CTU2: variants seen among roughly 807,000 people sequenced by gnomAD.
CTU2 encodes cytoplasmic tRNA 2-thiolation protein 2.
In CTU2, 80 loss-of-function variants were observed where a neutral mutation model predicts 64.1. The observed-to-expected ratio is 1.25, with a 90% CI of 1.04 to 1.50. The LOEUF (loss-of-function observed/expected upper bound fraction) is 1.50. CTU2 is among the 40% of genes most tolerant of loss of function. The probability of loss-of-function intolerance (pLI) is 0.00; values close to 1 mark genes in which losing one functional copy is unlikely to be tolerated. For synonymous variants in CTU2, 482 were observed against 285.3 expected (o/e 1.69, Z -6.95); for missense variants, 1,110 against 690.2 (o/e 1.61, Z -6.81).
At chr16:88,714,560 G>A in intron 11 of CTU2, 27 bp from the exon 12 acceptor site, 1 of 1,612,638 alleles carries the variant, frequency 6.2e-7, no homozygotes, top group Non-Finnish European at 8.5e-7. Flanking sequence ...GCAGCCCCAG[G>A]CTCCGTCACC....
chr16:88,707,253 G>A lies in CTU2; in HGVS notation c.143+43G>A, dbSNP rs549881249. On this transcript the variant is annotated intron_variant, in intron 2 of 14. Coordinates refer to ENST00000453996, the MANE Select transcript of CTU2 (RefSeq NM_001012759.3). Reference sequence around the variant, plus strand: ...CTGAGACCCTGGCAAACATGGCCTCGCTAGCAGACAGGATAGCCGCAACTT... The same window carrying A: ...CTGAGACCCTGGCAAACATGGCCTCACTAGCAGACAGGATAGCCGCAACTT... 3.8e-6 allele frequency: 6 copies of A among 1,568,246 alleles called. No individual in the cohort carries two copies. The African/African-American group carries it at 6.7e-5, about 18-fold the overall frequency.
chr16:88,713,577 A>T (rs1260992312), intron 8 of CTU2, 70 bp from the exon 9 acceptor site: 6 of 1,574,034 alleles, frequency 3.8e-6, no homozygotes, highest in Non-Finnish European at 4.3e-6. Context: ...GACCTCCCCT[A>T]CCTGGCAGGG....
Position 88,710,001 on chromosome 16 carries a change from C to G in CTU2, c.207C>G (p.Ile69Met). 3.7e-6 allele frequency: 6 copies of G among 1,613,920 alleles called. No individual in the cohort carries two copies. The highest frequency in any genetic ancestry group is 5.1e-6 in the Non-Finnish European group (6 of 1,180,002). ...CCATGCTGGGCAAGAACCGGCTCAT[C>G]TTTCCAGGCGAGAAGGTAGCGTCTG... ...FRAMLGKNRL[I>M]FPGEKVLLAW... The change falls in exon 3 of 15, where the codon ATC (isoleucine) becomes ATG (methionine). Residue 69 changes from isoleucine to methionine, a missense_variant. Coordinates refer to ENST00000453996, the MANE Select transcript of CTU2 (RefSeq NM_001012759.3).
intron 3 of CTU2, 23 bp from the exon 4 acceptor site, chr16:88,710,200 G>C: frequency 6.2e-7 from 1 of 1,613,922 alleles, no homozygotes; most frequent in Non-Finnish European, 8.5e-7. Context: ...GCGGTGCCCT[G>C]AGTGATGTTT....
Position 88,712,764 on chromosome 16 carries a change from G to A in CTU2, c.596G>A (p.Gly199Glu), listed in dbSNP as rs1299750644. 6.2e-7 allele frequency: 1 copy of A among 1,608,512 alleles called. No homozygotes were observed. The highest frequency in any genetic ancestry group is 1.1e-5 in the South Asian group (1 of 90,780). Reference protein sequence around the residue: ...GAGGGPGPTQGEEQPPQPPLD... With the variant: ...GAGGGPGPTQEEEQPPQPPLD... ...GGGGGTGGTCCTGGCCCGACTCAAG[G>A]GGAGGAACAGCCACCCCAGCCCCCG... is the stretch of plus-strand genomic sequence containing the variant. Residue 199 changes from glycine to glutamate, a missense_variant, in exon 7 of 15, where the codon GGG becomes GAG. Transcript: ENST00000453996.
At position 88,709,982 on chromosome 16, in the gene CTU2, T is replaced by C. The variant is rs147948789; in HGVS notation, c.188T>C (p.Leu63Pro). 1.1e-3 allele frequency: 1,696 copies of C among 1,613,952 alleles called. No individual in the cohort carries two copies. The highest frequency in any genetic ancestry group is 1.3e-3 in the Non-Finnish European group (1,587 of 1,180,008). The change falls in exon 3 of 15, where the codon CTG (leucine) becomes CCG (proline). Residue 63 changes from leucine to proline, a missense_variant. Physicochemically the swap from Leu to Pro is moderately conservative, Grantham distance 98. Coordinates refer to ENST00000453996, the MANE Select transcript of CTU2 (RefSeq NM_001012759.3). Reference protein sequence around the residue: ...AFYVHKFRAMLGKNRLIFPGE... With the variant: ...AFYVHKFRAMPGKNRLIFPGE... ...TACGTCCACAAGTTCAGAGCCATGC[T>C]GGGCAAGAACCGGCTCATCTTTCCA...
At chr16:88,714,514 G>A in intron 11 of CTU2, 28 bp downstream of exon 11, 3 of 1,612,400 alleles carry the variant, frequency 1.9e-6, no homozygotes, top group East Asian at 2.2e-5. Context: ...TTGGGGTGAT[G>A]CGGGGAGGGA....
Position 88,710,241 on chromosome 16 carries a change from G to C in CTU2, c.241G>C (p.Gly81Arg), listed in dbSNP as rs1245971903. The stretch of plus-strand genomic sequence containing the variant: ...CCCCCAGGTGCTCTTGGCGTGGTCT[G>C]GGGGGCCTTCGTCCAGCTCCATGGT... Reference protein sequence around the residue: ...PGEKVLLAWSGGPSSSSMVWQ... With the variant: ...PGEKVLLAWSRGPSSSSMVWQ... Residue 81 changes from glycine to arginine, a missense_variant, in exon 4 of 15, where the codon GGG becomes CGG. Coordinates refer to ENST00000453996, the MANE Select transcript of CTU2 (RefSeq NM_001012759.3). 1.9e-6 allele frequency: 3 copies of C among 1,613,912 alleles called. No homozygotes were observed. The highest frequency in any genetic ancestry group is 2.5e-6 in the Non-Finnish European group (3 of 1,179,984).
Position 88,715,036 on chromosome 16 carries a change from C to A in CTU2, c.1420-12C>A. 1 of 1,577,390 alleles carries A rather than the reference C, an allele frequency of 6.3e-7. No individual in the cohort carries two copies. ...AGGTTTCTTGGCCCCTCGACACCGGCCTCTGTTGCAGCCCTCACTGGACCC... is the reference window on the plus strand; with the variant it reads ...AGGTTTCTTGGCCCCTCGACACCGGACTCTGTTGCAGCCCTCACTGGACCC... On this transcript the variant is annotated splice_polypyrimidine_tract_variant and intron_variant, in intron 13 of 14. Transcript: ENST00000453996.
At chr16:88,713,866 C>T in intron 9 of CTU2, 88 bp downstream of exon 9, 3 of 1,535,862 alleles carry the variant, frequency 2.0e-6, no homozygotes, top group South Asian at 1.2e-5. Context: ...GCTCAGGTCA[C>T]CAGCACACCT....
chr16:88,713,335 C>G lies in CTU2; in HGVS notation c.761C>G (p.Ala254Gly), dbSNP rs758819563. 3.1e-6 allele frequency: 5 copies of G among 1,600,814 alleles called. No individual in the cohort carries two copies. Among genetic ancestry groups the G allele is most frequent in the Non-Finnish European group, 4.3e-6 (5 of 1,174,944 alleles). Residue 254 changes from alanine (A) to glycine (G), a missense_variant, in exon 8 of 15, where the codon GCC (alanine) becomes GGC (glycine). By Grantham distance (60) the Ala-to-Gly change is moderately conservative. Transcript: ENST00000453996. ...TLRTHLILHM[A>G]RAHGYSKVMT... The stretch of plus-strand genomic sequence containing the variant: ...AGGACCCACCTGATCCTCCACATGG[C>G]CCGAGCCCACGGCTACTCCAAGGTC...
intron 1 of CTU2, 112 bp from the exon 2 acceptor site, chr16:88,707,024 C>A: frequency 3.8e-6 from 4 of 1,065,786 alleles, no homozygotes; most frequent in South Asian, 1.3e-5. Flanking sequence ...ACCGAGGTGC[C>A]TTTCTCTGAC....
intron 10 of CTU2, 24 bp downstream of exon 10, chr16:88,714,251 C>CG (rs770961865): frequency 1.8e-5 from 29 of 1,599,002 alleles, no homozygotes; most frequent in Non-Finnish European, 2.2e-5. Flanking sequence ...TGGGTGTGTG[C>CG]GGGGGGTGCG....
rs528608137 is a variant in CTU2 at position 88,709,642 on chromosome 16, C to T, written c.144-296C>T. 7.9e-4 allele frequency: 335 copies of T among 426,386 alleles called. 1 individual carries two copies. Among genetic ancestry groups the T allele is most frequent in the Middle Eastern group, 2.6e-3 (4 of 1,552 alleles). The allele number at this position is 426,386 out of a possible 1,614,324, so 26.4% of individuals were successfully genotyped here. ...ACTCCACCAGCTGGGCCCTTCTGAGCGCCTGTGGGGAGGGGTGCCGGGGCT... is the reference window on the plus strand; with the variant it reads ...ACTCCACCAGCTGGGCCCTTCTGAGTGCCTGTGGGGAGGGGTGCCGGGGCT... On this transcript the variant is annotated intron_variant, in intron 2 of 14. Transcript: ENST00000453996.
chr16:88,706,544 G>C lies in CTU2; in HGVS notation c.14G>C (p.Gly5Ala). 2 of 1,459,166 alleles carry C rather than the reference G, an allele frequency of 1.4e-6. No individual in the cohort carries two copies. Among genetic ancestry groups the C allele is most frequent in the Non-Finnish European group, 1.8e-6 (2 of 1,112,596 alleles). 90.4% of individuals were successfully genotyped at this position (1,459,166 alleles called of 1,614,324 possible). A position where few individuals can be genotyped will look rare whatever the true frequency, so the allele number is the denominator to read the frequency against. ...CCCGGCGTGCCCATGTGTCAGGTGG[G>C]CGAGGACTACGGGGAGCCGGCGCCT... MCQV[G>A]EDYGEPAPEE... The change falls in exon 1 of 15, where the codon GGC (glycine) becomes GCC (alanine). Residue 5 changes from glycine to alanine, a missense_variant. Transcript: ENST00000453996.
At chr16:88,708,305 T>A (rs932331727) in intron 2 of CTU2, among the ~76,000 whole-genome samples, 1 of 152,180 alleles carries the variant, frequency 6.6e-6, no homozygotes, top group African/African-American at 2.4e-5. Context: ...CTTAGGAATC[T>A]ACATCGAGCT....
In CTU2 at chr16:88,712,761, A is replaced by C; in HGVS notation, c.593A>C (p.Gln198Pro). 6.2e-7 allele frequency: 1 copy of C among 1,608,618 alleles called. No homozygotes were observed. Among genetic ancestry groups the C allele is most frequent in the Non-Finnish European group, 8.5e-7 (1 of 1,178,320 alleles). ...LGAGGGPGPT[Q>P]GEEQPPQPPL... ...GCCGGGGGTGGTCCTGGCCCGACTC[A>C]AGGGGAGGAACAGCCACCCCAGCCC... The change falls in exon 7 of 15, where the codon CAA becomes CCA. Residue 198 changes from glutamine to proline, a missense_variant. By Grantham distance (76) the Gln-to-Pro change is moderately conservative. Coordinates refer to ENST00000453996, the MANE Select transcript of CTU2 (RefSeq NM_001012759.3).
chr16:88,709,676 G>A (rs1362071000), intron 2 of CTU2: 9 of 499,840 alleles, frequency 1.8e-5, no homozygotes, highest in East Asian at 3.5e-5. Flanking sequence ...CTCTGCCCTC[G>A]TTTGCTGGAT....
At chr16:88,706,854 C>T in intron 1 of CTU2, 2 of 559,326 alleles carry the variant, frequency 3.6e-6, no homozygotes, top group South Asian at 2.4e-5. Flanking sequence ...TCGGAGAGAA[C>T]TGGTGCCGTG....
Sources: allele counts gnomAD v4.1 joint callset (sites outside exome capture counted in the v4.1 genomes callset), GRCh38; gene constraint gnomAD v4.1.1; transcripts MANE v1.5; gene names NCBI Gene and HGNC (gene_info 2026-07-23, HGNC 2026-07-21).